The following CALD1 variants were observed in gnomAD, a reference collection of about 807,000 sequenced individuals.
CALD1 encodes the protein caldesmon 1.
A neutral mutation model predicts 99.9 loss-of-function variants in CALD1; 33 were observed. That is an observed-to-expected ratio of 0.33 (90% CI 0.25 to 0.44). The LOEUF (loss-of-function observed/expected upper bound fraction) is 0.44, where lower values mean the gene tolerates loss of function less well. Ranked by LOEUF, CALD1 falls within the 20% of genes least tolerant of loss-of-function variation. CALD1 has a pLI of 1.00. For missense variants in CALD1, 861 were observed against 962.1 expected (o/e 0.89, Z 1.39); for synonymous variants, 310 against 325.0 (o/e 0.95, Z 0.50).
rs1808883391 is a variant in CALD1, at chr7:134,969,165, C to T, written c.*820C>T. The T allele has an allele frequency of 6.6e-6, 1 of 152,652 alleles. No individual in the cohort carries two copies. The highest frequency in any genetic ancestry group is 1.9e-4 in the East Asian group (1 of 5,202). The allele number at this position is 152,652 out of a possible 1,614,324, so 9.5% of individuals were successfully genotyped here. ...GCTTTTGAAAAATTAAAAAATCACA[C>T]TATATTAATATTTTATATTTGCCAA... On this transcript the variant is annotated 3_prime_UTR_variant, in exon 15 of 15. Transcript: ENST00000361675.
the CALD1 span, among the ~76,000 whole-genome samples, chr7:134,735,563 C>G: frequency 2.2e-5 from 3 of 138,192 alleles, no homozygotes; most frequent in Non-Finnish European, 4.7e-5. Flanking sequence ...CCCCACTACC[C>G]TCTGTGTGTG....
Position 134,827,087 on chromosome 7 carries a change from C to T in CALD1, c.-129-16797C>T, listed in dbSNP as rs546975497. Among the ~76,000 whole-genome samples, 52 of 152,252 alleles carry T rather than the reference C, an allele frequency of 3.4e-4. No individual in the cohort carries two copies. In the South Asian group the frequency reaches 6.6e-3, roughly 19 times the overall value. ...CTCTCCCATGTGATTTTGGAGTGGA[C>T]AGGGCCATTCAACTTTTACAACCAC... is the stretch of plus-strand genomic sequence containing the variant. On this transcript the variant is annotated intron_variant, in intron 1 of 14. Transcript: ENST00000361675.
intron 1 of CALD1, among the ~76,000 whole-genome samples, chr7:134,749,388 G>A (rs1386756024): frequency 1.3e-5 from 2 of 152,206 alleles, no homozygotes; most frequent in Admixed American, 1.3e-4. Flanking sequence ...GGGAGGCCGA[G>A]GTGGGCGGAT....
intron 1 of CALD1, among the ~76,000 whole-genome samples, chr7:134,750,256 T>C (rs954826562): frequency 4.9e-5 from 4 of 82,276 alleles, no homozygotes; most frequent in Middle Eastern, 6.4e-3. Flanking sequence ...TCCAGGCTTG[T>C]GGTCTCTCTC....
At position 134,783,647 on chromosome 7, in the gene CALD1, C is replaced by A. The variant is rs1010825776; in HGVS notation, c.-130+3898C>A. ...CTTCCCTGTGTTGTTGCTATGGAAACCTTTGAGAATCTGATAAAAACTGTG... is the reference window on the plus strand; with the variant it reads ...CTTCCCTGTGTTGTTGCTATGGAAAACTTTGAGAATCTGATAAAAACTGTG... On this transcript the variant is annotated intron_variant, in intron 1 of 14. Transcript: ENST00000361675. This position sits in a 1 kb window ranked among gnomAD's most constrained non-coding sequence, Gnocchi z 4.3. 6.6e-5 allele frequency among the ~76,000 whole-genome samples: 10 copies of A among 152,096 alleles called. No individual in the cohort carries two copies. The highest frequency in any genetic ancestry group is 8.8e-5 in the Non-Finnish European group (6 of 68,018).
At chr7:134,780,966 C>T (rs73446167) in intron 1 of CALD1, among the ~76,000 whole-genome samples, 12 of 152,104 alleles carry the variant, frequency 7.9e-5, no homozygotes, top group Non-Finnish European at 1.5e-4. Context: ...CCATGCAATG[C>T]GGTAGTTTGG....
At chr7:134,884,360 G>T (rs1001020780) in intron 3 of CALD1, among the ~76,000 whole-genome samples, 3 of 152,144 alleles carry the variant, frequency 2.0e-5, no homozygotes, top group Non-Finnish European at 4.4e-5. Context: ...TACCTGTGAT[G>T]ATTTCACCCC....
At chr7:134,787,365 G>C (rs3800707) in intron 1 of CALD1, among the ~76,000 whole-genome samples, 6 of 152,014 alleles carry the variant, frequency 3.9e-5, no homozygotes, top group Admixed American at 2.6e-4. Flanking sequence ...TTAGGCTTAG[G>C]GGGAGGGGTG....
chr7:134,876,608 C>T (rs182400324), intron 3 of CALD1, among the ~76,000 whole-genome samples: 5 of 152,262 alleles, frequency 3.3e-5, no homozygotes, highest in East Asian at 1.9e-4. Flanking sequence ...CAAAGTTTGG[C>T]GTCTTTGTCA....
intron 3 of CALD1, among the ~76,000 whole-genome samples, chr7:134,927,433 T>C (rs548433494): frequency 7.1e-4 from 106 of 149,660 alleles, no homozygotes; most frequent in African/African-American, 2.6e-3. Flanking sequence ...GCACCCATAG[T>C]CCCAGCTACT....
At chr7:134,954,933 TC>T (rs1240553360) in intron 9 of CALD1, among the ~76,000 whole-genome samples, 2 of 152,192 alleles carry the variant, frequency 1.3e-5, no homozygotes, top group African/African-American at 4.8e-5. Flanking sequence ...TAATCTCAGC[TC>T]AAATATCAAC....
intron 1 of CALD1, among the ~76,000 whole-genome samples, chr7:134,836,375 A>T (rs1026049725): frequency 6.6e-6 from 1 of 152,100 alleles, no homozygotes; most frequent in African/African-American, 2.4e-5. Flanking sequence ...TAAGTGCACC[A>T]TTTCTTATCA....
At chr7:134,833,361 C>T (rs1200529013) in intron 1 of CALD1, among the ~76,000 whole-genome samples, 3 of 152,136 alleles carry the variant, frequency 2.0e-5, no homozygotes, top group Admixed American at 1.3e-4. Flanking sequence ...TGTATCTGCA[C>T]GTTATCCTTC....
At chr7:134,883,015 A>G (rs1270251143) in intron 3 of CALD1, among the ~76,000 whole-genome samples, 1 of 152,240 alleles carries the variant, frequency 6.6e-6, no homozygotes, top group Non-Finnish European at 1.5e-5. Flanking sequence ...GATTTTCTTC[A>G]TCATAAAATA....
intron 1 of CALD1, among the ~76,000 whole-genome samples, chr7:134,765,708 G>A (rs1457838026): frequency 6.6e-6 from 1 of 152,192 alleles, no homozygotes; most frequent in Admixed American, 6.5e-5. Context: ...ATCGGATCAT[G>A]GGGATGGATT....
At chr7:134,785,186 C>G (rs1483634372) in intron 1 of CALD1, among the ~76,000 whole-genome samples, 2 of 152,058 alleles carry the variant, frequency 1.3e-5, no homozygotes, top group Non-Finnish European at 2.9e-5. Context: ...AGGCAAACAC[C>G]CAATGAATGA....
intron 1 of CALD1, among the ~76,000 whole-genome samples, chr7:134,825,046 C>T (rs976892010): frequency 6.6e-6 from 1 of 152,100 alleles, no homozygotes; most frequent in African/African-American, 2.4e-5. Context: ...AACCTATGCA[C>T]ATTTTTATCA....
chr7:134,848,848 G>T (rs949849797), intron 2 of CALD1, among the ~76,000 whole-genome samples: 2 of 152,172 alleles, frequency 1.3e-5, no homozygotes, highest in African/African-American at 4.8e-5. Flanking sequence ...GCAATTATAA[G>T]TTGGGGTTGA....
intron 3 of CALD1, among the ~76,000 whole-genome samples, chr7:134,901,732 C>G (rs1803012319): frequency 6.6e-6 from 1 of 152,028 alleles, no homozygotes; most frequent in Non-Finnish European, 1.5e-5. Flanking sequence ...CTTCTGGTAG[C>G]CCCAGATATT....
Sources: allele counts gnomAD v4.1 joint callset (sites outside exome capture counted in the v4.1 genomes callset), GRCh38; gene constraint gnomAD v4.1.1; non-coding constraint Gnocchi (gnomAD v3.1); transcripts MANE v1.5; gene names NCBI Gene and HGNC (gene_info 2026-07-23, HGNC 2026-07-21).